Variants in NDFIP2 observed in about 807,000 individuals in gnomAD.
NDFIP2 encodes the protein NEDD4 family-interacting protein 2.
Under a neutral mutation model 36.0 loss-of-function variants are expected in NDFIP2, and 19 were observed. That is an observed-to-expected ratio of 0.53 (90% CI 0.37 to 0.77). NDFIP2 has a LOEUF of 0.77. Ranked by LOEUF, NDFIP2 falls within the 30% of genes least tolerant of loss-of-function variation. The pLI, the probability that NDFIP2 is intolerant of heterozygous loss-of-function variation, is 0.00. For synonymous variants in NDFIP2, 181 were observed against 167.7 expected, an observed-to-expected ratio of 1.08 and a Z score of -0.61; for missense variants, 446 against 435.8, an observed-to-expected ratio of 1.02 and a Z score of -0.21.
At chr13:79,481,868 G>A (rs2079815702) in intron 1 of NDFIP2, among the ~76,000 whole-genome samples, 1 of 152,048 alleles carries the variant, frequency 6.6e-6, no homozygotes, top group Non-Finnish European at 1.5e-5. Context: ...TCACTCCTGA[G>A]ACATTCTAGT....
chr13:79,524,743 A>T (rs1874724998), intron 2 of NDFIP2, among the ~76,000 whole-genome samples: 1 of 152,162 alleles, frequency 6.6e-6, no homozygotes, highest in East Asian at 1.9e-4. Context: ...CTTTCTAATT[A>T]TGTTGCCAGA....
intron 1 of NDFIP2, among the ~76,000 whole-genome samples, chr13:79,512,866 G>C (rs1874133173): frequency 6.6e-6 from 1 of 152,162 alleles, no homozygotes; most frequent in South Asian, 2.1e-4. Context: ...AGTTTGGGCT[G>C]GTCCTGTGGT....
intron 1 of NDFIP2, among the ~76,000 whole-genome samples, chr13:79,486,951 CT>C (rs1453563240): frequency 6.6e-6 from 1 of 152,158 alleles, no homozygotes; most frequent in African/African-American, 2.4e-5. Context: ...TGTAAGTACG[CT>C]CTCTGATGTT....
chr13:79,501,567 T>G (rs1387039498), intron 1 of NDFIP2, among the ~76,000 whole-genome samples: 1 of 152,222 alleles, frequency 6.6e-6, no homozygotes, highest in East Asian at 1.9e-4. Flanking sequence ...TGAGTGATAG[T>G]GTGTATATAT....
At chr13:79,521,947 C>T (rs1874602056) in intron 2 of NDFIP2, among the ~76,000 whole-genome samples, 1 of 151,628 alleles carries the variant, frequency 6.6e-6, no homozygotes, top group Non-Finnish European at 1.5e-5. Flanking sequence ...GCCTCAGCCT[C>T]CCAAGTAGCT....
In NDFIP2 at chr13:79,530,141, A is replaced by C. The variant is rs375171268; in HGVS notation, c.488-3182A>C. ...GTGGTTGCTGAATATTGGGGTGGCT[A>C]TGGCAATTTCTTTTCTTTTTTTTTA... is the stretch of plus-strand genomic sequence containing the variant. On this transcript the variant is annotated intron_variant, in intron 2 of 7. Coordinates refer to ENST00000218652, the MANE Select transcript of NDFIP2 (RefSeq NM_019080.3). 1.7e-4 allele frequency among the ~76,000 whole-genome samples: 26 copies of C among 152,154 alleles called. No homozygotes were observed. In the South Asian group the frequency reaches 5.4e-3, roughly 32 times the overall value.
Position 79,481,407 on chromosome 13 carries a change from G to A in NDFIP2, c.204G>A (p.Thr68=), listed in dbSNP as rs1234154029. The A allele has an allele frequency of 3.2e-6, 5 of 1,556,814 alleles. No homozygotes were observed. Among genetic ancestry groups the A allele is most frequent in the Non-Finnish European group, 3.5e-6 (4 of 1,150,100 alleles). The change falls in exon 1 of 8, where the codon ACG becomes ACA. Residue 68 remains threonine, a synonymous_variant. Transcript: ENST00000218652. ...NGGGRGPAAT[T]SSTGVAVGAE... ...GCGGAAGGGGCCCTGCGGCGACGAC[G>A]TCGTCGACGGGGGTGGCCGTGGGAG...
rs996096203 is a variant in NDFIP2, at chr13:79,554,592, A to G, written c.*2079A>G. The stretch of plus-strand genomic sequence containing the variant: ...TATTACTGAATCCTCTATAATTGGC[A>G]TAATTCAATGGTAGCCTTAAATCTC... On this transcript the variant is annotated 3_prime_UTR_variant, in exon 8 of 8. Transcript: ENST00000218652. 1.3e-5 allele frequency: 2 copies of G among 151,884 alleles called. No homozygotes were observed. The highest frequency in any genetic ancestry group is 1.5e-5 in the Non-Finnish European group (1 of 67,814). 9.4% of individuals were successfully genotyped at this position (151,884 alleles called of 1,614,324 possible).
rs1010073771 is a variant in NDFIP2, at chr13:79,555,830, G to A, written c.*3317G>A. The A allele has an allele frequency of 1.3e-5, 2 of 152,044 alleles. No homozygotes were observed. Among genetic ancestry groups the A allele is most frequent in the African/African-American group, 4.8e-5 (2 of 41,416 alleles). The allele number at this position is 152,044 out of a possible 1,614,324, so 9.4% of individuals were successfully genotyped here. A position where few individuals can be genotyped will look rare whatever the true frequency, so the allele number is the denominator to read the frequency against. ...GGCATGTATTTTACTTGTTAATAAA[G>A]TTGTATAGATGTGGAAGTGTGAACC... is the stretch of plus-strand genomic sequence containing the variant. On this transcript the variant is annotated 3_prime_UTR_variant, in exon 8 of 8. Transcript: ENST00000218652.
Position 79,539,671 on chromosome 13 carries a change from C to T in NDFIP2, c.622-11C>T, listed in dbSNP as rs1259775885. On this transcript the variant is annotated splice_polypyrimidine_tract_variant and intron_variant, in intron 3 of 7. Coordinates refer to ENST00000218652, the MANE Select transcript of NDFIP2 (RefSeq NM_019080.3). The stretch of plus-strand genomic sequence containing the variant: ...TTTTTAGTGAGCTATTCCAATGTTA[C>T]ATATTTACAGATTCAGGAGGAAGAG... The T allele has an allele frequency of 2.5e-6, 4 of 1,606,474 alleles. No individual in the cohort carries two copies. The highest frequency in any genetic ancestry group is 1.7e-5 in the Admixed American group (1 of 59,950).
rs58459258 is a variant in NDFIP2 at position 79,508,379 on chromosome 13, G to A, written c.322-12431G>A. Among the ~76,000 whole-genome samples the A allele has an allele frequency of 1.0e-2, 1,516 of 152,306 alleles. 24 individuals carry two copies. The highest frequency in any genetic ancestry group is 0.035 in the African/African-American group (1,450 of 41,558). On this transcript the variant is annotated intron_variant, in intron 1 of 7. Transcript: ENST00000218652. ...AAAGAAATCAGGGTGAGTCCATAGA[G>A]TAAAGTGAAAGCAAGTTTATTAGAG...
chr13:79,549,652 C>T (rs578157986), intron 6 of NDFIP2, among the ~76,000 whole-genome samples: 18 of 152,032 alleles, frequency 1.2e-4, no homozygotes, highest in African/African-American at 2.9e-4. Flanking sequence ...TAGGTATGAA[C>T]TGGGTGGCTT....
chr13:79,552,763 T>C lies in NDFIP2; in HGVS notation c.*250T>C, dbSNP rs890843273. On this transcript the variant is annotated 3_prime_UTR_variant, in exon 8 of 8. Coordinates refer to ENST00000218652, the MANE Select transcript of NDFIP2 (RefSeq NM_019080.3). ...ATTTAAGATATTTGCATATACTTGATAGAAACCATAAAGTTGTAGCAGTTA... is the reference window on the plus strand; with the variant it reads ...ATTTAAGATATTTGCATATACTTGACAGAAACCATAAAGTTGTAGCAGTTA... The C allele has an allele frequency of 2.0e-5, 3 of 151,960 alleles. No individual in the cohort carries two copies. The highest frequency in any genetic ancestry group is 7.2e-5 in the African/African-American group (3 of 41,420). The allele number at this position is 151,960 out of a possible 1,614,324, so 9.4% of individuals were successfully genotyped here. A position where few individuals can be genotyped will look rare whatever the true frequency, so the allele number is the denominator to read the frequency against.
chr13:79,491,037 C>T (rs1015057983), intron 1 of NDFIP2, among the ~76,000 whole-genome samples: 2 of 152,164 alleles, frequency 1.3e-5, no homozygotes, highest in African/African-American at 4.8e-5. Context: ...TACTCCTTAT[C>T]GCTGTTTCCT....
intron 1 of NDFIP2, among the ~76,000 whole-genome samples, chr13:79,483,175 G>A (rs919195972): frequency 6.6e-6 from 1 of 151,956 alleles, no homozygotes; most frequent in Non-Finnish European, 1.5e-5. Flanking sequence ...GAGAACAGAG[G>A]GCAAAAATCA....
Position 79,481,320 on chromosome 13 carries a change from C to A in NDFIP2, c.117C>A (p.Ala39=), listed in dbSNP as rs940330697. Residue 39 remains alanine, a synonymous_variant, in exon 1 of 8, where the codon GCC becomes GCA. Coordinates refer to ENST00000218652, the MANE Select transcript of NDFIP2 (RefSeq NM_019080.3). The part of the protein sequence containing the change: ...GTATNAEVSA[A]AAGATGSEEL... ...CGACCAACGCGGAGGTCTCGGCGGC[C>A]GCTGCGGGAGCCACAGGAAGTGAAG... The A allele has an allele frequency of 9.7e-6, 15 of 1,543,750 alleles. No homozygotes were observed. Among genetic ancestry groups the A allele is most frequent in the Non-Finnish European group, 1.3e-5 (15 of 1,146,686 alleles).
intron 1 of NDFIP2, among the ~76,000 whole-genome samples, chr13:79,497,249 T>A (rs1873467471): frequency 6.6e-6 from 1 of 151,996 alleles, no homozygotes; most frequent in Non-Finnish European, 1.5e-5. Flanking sequence ...TTTACTGGTA[T>A]CGGTTTTGGA....
intron 6 of NDFIP2, among the ~76,000 whole-genome samples, chr13:79,549,817 G>A (rs1036888965): frequency 2.8e-4 from 43 of 151,838 alleles, no homozygotes; most frequent in African/African-American, 1.0e-3. Flanking sequence ...ATCTGGAAGG[G>A]CATGAGGGTG....
At chr13:79,489,075 T>C (rs570809695) in intron 1 of NDFIP2, among the ~76,000 whole-genome samples, 1 of 152,236 alleles carries the variant, frequency 6.6e-6, no homozygotes, top group Non-Finnish European at 1.5e-5. Context: ...GTTTTAGTTT[T>C]ATATTGCTGT....
Sources: allele counts gnomAD v4.1 joint callset (sites outside exome capture counted in the v4.1 genomes callset), GRCh38; gene constraint gnomAD v4.1.1; transcripts MANE v1.5; gene names NCBI Gene and HGNC (gene_info 2026-07-23, HGNC 2026-07-21).